Variants in C1orf87 observed in about 807,000 individuals in gnomAD.
C1orf87 encodes uncharacterized protein C1orf87.
A neutral mutation model predicts 60.5 loss-of-function variants in C1orf87; 58 were observed. The observed-to-expected ratio is 0.96, with a 90% CI of 0.78 to 1.19. The LOEUF (loss-of-function observed/expected upper bound fraction) is 1.19, where lower values mean the gene tolerates loss of function less well. Ranked by LOEUF, C1orf87 falls within the 50% of genes most tolerant of loss-of-function variation. The pLI is 0.00. For missense variants in C1orf87, 673 were observed against 638.6 expected (o/e 1.05, Z -0.58); for synonymous variants, 236 against 227.4 (o/e 1.04, Z -0.34).
intron 7 of C1orf87, among the ~76,000 whole-genome samples, chr1:60,029,642 T>TTTC (rs1645222963): frequency 7.0e-6 from 1 of 143,860 alleles, no homozygotes; most frequent in Non-Finnish European, 1.5e-5. Context: ...CCCAAGTTTT[T>TTTC]TTTTTTTTTT....
chr1:59,999,827 A>G (rs1644989024), intron 10 of C1orf87, among the ~76,000 whole-genome samples: 1 of 152,048 alleles, frequency 6.6e-6, no homozygotes, highest in African/African-American at 2.4e-5. Flanking sequence ...TTGCCTTTAT[A>G]ATGTTGTTAC....
chr1:60,035,805 T>C (rs1281142819), intron 6 of C1orf87, among the ~76,000 whole-genome samples: 2 of 152,220 alleles, frequency 1.3e-5, no homozygotes, highest in East Asian at 1.9e-4. Flanking sequence ...GTTAGAACTA[T>C]GCTAGACACA....
chr1:60,058,855 A>G (rs1317186212), intron 2 of C1orf87, among the ~76,000 whole-genome samples: 2 of 152,204 alleles, frequency 1.3e-5, no homozygotes, highest in Admixed American at 6.5e-5. Context: ...TAGGAAGTGC[A>G]GGATTTGAAG....
intron 9 of C1orf87, among the ~76,000 whole-genome samples, chr1:60,006,938 G>GTCTC (rs1557458490): frequency 1.3e-5 from 2 of 151,244 alleles, no homozygotes; most frequent in East Asian, 3.9e-4. Context: ...TTCTGACAGG[G>GTCTC]TCTCACTCTT....
At chr1:60,028,385 G>C (rs1645214322) in intron 7 of C1orf87, among the ~76,000 whole-genome samples, 2 of 152,168 alleles carry the variant, frequency 1.3e-5, no homozygotes, top group Non-Finnish European at 2.9e-5. Flanking sequence ...ACTGCTGCCA[G>C]TTAGAGAGGC....
chr1:60,006,662 A>G (rs918886299), intron 9 of C1orf87, among the ~76,000 whole-genome samples: 4 of 152,050 alleles, frequency 2.6e-5, no homozygotes, highest in Non-Finnish European at 5.9e-5. Flanking sequence ...ATTTGAGATC[A>G]TACTTCATTT....
At chr1:59,990,873 G>A (rs776027181) in intron 11 of C1orf87, 40 bp from the exon 12 acceptor site, 2 of 1,594,288 alleles carry the variant, frequency 1.3e-6, no homozygotes, top group East Asian at 4.5e-5. Context: ...TTTTAAAGAG[G>A]ATGGAGGGAA....
chr1:60,051,064 C>A (rs536138664), intron 3 of C1orf87, among the ~76,000 whole-genome samples: 3 of 151,970 alleles, frequency 2.0e-5, no homozygotes, highest in African/African-American at 4.8e-5. Flanking sequence ...GAGAATTTTA[C>A]CCATAAAGAA....
At position 60,044,821 on chromosome 1, in the gene C1orf87, T is replaced by C. The variant is rs1178260038; in HGVS notation, c.343-3690A>G. 2.6e-5 allele frequency among the ~76,000 whole-genome samples: 4 copies of C among 152,230 alleles called. No homozygotes were observed. The East Asian group carries it at 7.7e-4, about 29-fold the overall frequency. On this transcript the variant is annotated intron_variant, in intron 3 of 11. Coordinates refer to ENST00000371201, the MANE Select transcript of C1orf87 (RefSeq NM_152377.3). ...TCTCTAATACCATAGGTTTCTCTCATTTAGTTTACTTTGAATAACAAAATA... is the reference window on the plus strand; with the variant it reads ...TCTCTAATACCATAGGTTTCTCTCACTTAGTTTACTTTGAATAACAAAATA...
intron 5 of C1orf87, 74 bp from the exon 6 acceptor site, chr1:60,038,181 G>A: frequency 7.1e-6 from 6 of 844,652 alleles, no homozygotes; most frequent in Non-Finnish European, 1.0e-5. Context: ...GAGATAAAAT[G>A]TATTTGGCAA....
chr1:60,025,601 A>G (rs1645193732), intron 7 of C1orf87, 103 bp from the exon 8 acceptor site: 3 of 909,666 alleles, frequency 3.3e-6, no homozygotes, highest in Non-Finnish European at 4.8e-6. Context: ...ATTGGAAGCT[A>G]TATTATTTTG....
intron 3 of C1orf87, among the ~76,000 whole-genome samples, chr1:60,048,515 A>G (rs559884847): frequency 6.6e-6 from 1 of 152,336 alleles, no homozygotes; most frequent in Non-Finnish European, 1.5e-5. Context: ...ATACCAAAAG[A>G]TAAGAAAACC....
chr1:60,055,474 G>A (rs1430315252), intron 2 of C1orf87, 36 bp from the exon 3 acceptor site: 5 of 1,569,514 alleles, frequency 3.2e-6, no homozygotes, highest in Non-Finnish European at 4.4e-6. Context: ...GTTACTTACA[G>A]GCAGACTCCT....
intron 10 of C1orf87, among the ~76,000 whole-genome samples, chr1:60,000,446 C>T (rs538947710): frequency 7.0e-4 from 107 of 152,182 alleles, no homozygotes; most frequent in African/African-American, 2.4e-3. Context: ...AATATTTCAA[C>T]GTGTGAAGTG....
In C1orf87 at chr1:60,026,372, C is replaced by T. The variant is rs149190968; in HGVS notation, c.1030-874G>A. On this transcript the variant is annotated intron_variant, in intron 7 of 11. Coordinates refer to ENST00000371201, the MANE Select transcript of C1orf87 (RefSeq NM_152377.3). ...ATTTCCCAGGATTCTGTCAGGATTG[C>T]ATGATAAAATTAGCATTTAGGATAG... Among the ~76,000 whole-genome samples the T allele has an allele frequency of 8.9e-4, 136 of 152,082 alleles. 2 individuals are homozygous for T. The East Asian group carries it at 0.023, about 26-fold the overall frequency.
At chr1:60,011,167 T>C (rs1030930730) in intron 8 of C1orf87, among the ~76,000 whole-genome samples, 1 of 152,112 alleles carries the variant, frequency 6.6e-6, no homozygotes, top group Non-Finnish European at 1.5e-5. Context: ...TTGAGTAATA[T>C]GTCTGCAAGA....
chr1:60,008,522 C>T (rs1013383547), intron 9 of C1orf87: 2 of 240,808 alleles, frequency 8.3e-6, no homozygotes, highest in Non-Finnish European at 1.7e-5. Flanking sequence ...AAAAATGAAG[C>T]TGTTAGGGTG....
At chr1:60,071,225 T>A (rs1227510527) in intron 2 of C1orf87, among the ~76,000 whole-genome samples, 2 of 152,194 alleles carry the variant, frequency 1.3e-5, no homozygotes, top group African/African-American at 4.8e-5. Flanking sequence ...ACTTCTATAA[T>A]AATAGCAGGA....
At chr1:60,058,160 C>A (rs1412652164) in intron 2 of C1orf87, among the ~76,000 whole-genome samples, 1 of 152,172 alleles carries the variant, frequency 6.6e-6, no homozygotes, top group Non-Finnish European at 1.5e-5. Flanking sequence ...ATAAAGCTAA[C>A]AACTGGTAAA....
Sources: allele counts gnomAD v4.1 joint callset (sites outside exome capture counted in the v4.1 genomes callset), GRCh38; gene constraint gnomAD v4.1.1; transcripts MANE v1.5; gene names NCBI Gene and HGNC (gene_info 2026-07-23, HGNC 2026-07-21).